Variants in ROBO2 observed in about 807,000 individuals in gnomAD.
ROBO2 encodes roundabout guidance receptor 2, also known as roundabout homolog 2.
Under a neutral mutation model 160.8 loss-of-function variants are expected in ROBO2, and 53 were observed. That is an observed-to-expected ratio of 0.33 (90% CI 0.26 to 0.41). ROBO2 has a LOEUF of 0.41. Ranked by LOEUF, ROBO2 falls within the 10% of genes least tolerant of loss-of-function variation. The pLI, the probability that ROBO2 is intolerant of heterozygous loss-of-function variation, is 1.00. For synonymous variants in ROBO2, 664 were observed against 611.7 expected, an observed-to-expected ratio of 1.09 and a Z score of -1.26; for missense variants, 1,577 against 1,722.4, an observed-to-expected ratio of 0.92 and a Z score of 1.49.
At chr3:77,325,149 T>C (rs1356243802) in intron 2 of ROBO2, among the ~76,000 whole-genome samples, 1 of 152,168 alleles carries the variant, frequency 6.6e-6, no homozygotes, top group Admixed American at 6.6e-5. Flanking sequence ...ACATGCATAA[T>C]GAAGTGTGAC....
At chr3:75,957,081 T>C (rs1220429055) in intron 2 of ROBO2, among the ~76,000 whole-genome samples, 2 of 151,704 alleles carry the variant, frequency 1.3e-5, no homozygotes, top group Non-Finnish European at 2.9e-5. Context: ...TAGTGTTGCT[T>C]AACTTAGTGT....
chr3:76,746,615 A>G (rs994228123), intron 2 of ROBO2, among the ~76,000 whole-genome samples: 1 of 152,098 alleles, frequency 6.6e-6, no homozygotes, highest in Non-Finnish European at 1.5e-5. Context: ...TCAATAAAAT[A>G]CTGGCAAACC....
At chr3:77,021,406 T>A (rs1331302748) in intron 2 of ROBO2, among the ~76,000 whole-genome samples, 1 of 152,032 alleles carries the variant, frequency 6.6e-6, no homozygotes, top group Non-Finnish European at 1.5e-5. Flanking sequence ...GAAACTAGAA[T>A]CTCTCTCCCT....
chr3:76,967,511 CTTTTT>C (rs59372235), intron 2 of ROBO2, among the ~76,000 whole-genome samples: 1 of 55,370 alleles, frequency 1.8e-5, no homozygotes, highest in Non-Finnish European at 3.1e-5. Context: ...CTGGCCAGCT[CTTTTT>C]TTTTTTTTTT....
chr3:77,323,808 A>C (rs1052528311), intron 2 of ROBO2, among the ~76,000 whole-genome samples: 2 of 152,138 alleles, frequency 1.3e-5, no homozygotes, highest in African/African-American at 4.8e-5. Context: ...GACAAAGGGT[A>C]TTTTCAGTAG....
chr3:76,825,462 A>G (rs542532509), intron 2 of ROBO2, among the ~76,000 whole-genome samples: 1 of 152,100 alleles, frequency 6.6e-6, no homozygotes, highest in East Asian at 1.9e-4. Context: ...TCAATATGCA[A>G]ACTTCCCCTC....
At position 77,369,912 on chromosome 3, in the gene ROBO2, T is replaced by C. The variant is rs566119352; in HGVS notation, c.389-107502T>C. ...GGAGACAGTGATATTTGAAAAGTCA[T>C]CCACACATAGTGAAACCATTAATAA... On this transcript the variant is annotated intron_variant, in intron 2 of 25. Coordinates refer to ENST00000461745, the Ensembl canonical transcript of ROBO2. 1.2e-3 allele frequency among the ~76,000 whole-genome samples: 178 copies of C among 152,290 alleles called. 1 individual carries two copies. The Middle Eastern group carries it at 0.017, about 15-fold the overall frequency.
At chr3:77,604,441 A>G (rs190824957) in intron 20 of ROBO2, among the ~76,000 whole-genome samples, 225 of 152,236 alleles carry the variant, frequency 1.5e-3, no homozygotes, top group African/African-American at 5.0e-3. Flanking sequence ...TAAGTATTCT[A>G]TATGTGTTGA....
chr3:76,638,066 G>A (rs1049620321), intron 2 of ROBO2, among the ~76,000 whole-genome samples: 4 of 152,246 alleles, frequency 2.6e-5, no homozygotes, highest in Admixed American at 6.5e-5. Flanking sequence ...ATTTTTTAAA[G>A]TGTTTGGAAG....
chr3:76,257,299 T>TGTGC (rs955166685), intron 2 of ROBO2, among the ~76,000 whole-genome samples: 7 of 151,142 alleles, frequency 4.6e-5, no homozygotes, highest in African/African-American at 1.2e-4. Flanking sequence ...CGTGCATATG[T>TGTGC]GTGTGTGTGT....
At chr3:76,083,226 T>A (rs1387251) in intron 2 of ROBO2, among the ~76,000 whole-genome samples, 7,529 of 152,134 alleles carry the variant, frequency 0.049, 396 homozygotes, top group African/African-American at 0.13. Flanking sequence ...GGTAGAGATA[T>A]ATAAATCATT....
At chr3:76,336,344 G>C (rs1411656086) in intron 2 of ROBO2, among the ~76,000 whole-genome samples, 1 of 152,210 alleles carries the variant, frequency 6.6e-6, no homozygotes, top group Admixed American at 6.5e-5. Context: ...GGGAAGTAGG[G>C]AAACACAGCT....
chr3:76,975,337 T>C (rs1296979522), intron 2 of ROBO2, among the ~76,000 whole-genome samples: 1 of 152,128 alleles, frequency 6.6e-6, no homozygotes, highest in Admixed American at 6.5e-5. Flanking sequence ...AAACCCCGTC[T>C]CTGCTAAAAA....
chr3:76,965,921 CTTTTTTTT>C (rs1168083048), intron 2 of ROBO2, among the ~76,000 whole-genome samples: 2 of 114,120 alleles, frequency 1.8e-5, no homozygotes, highest in Admixed American at 2.0e-4. Context: ...GGCATATTTT[CTTTTTTTT>C]TTTTTTTTTT....
intron 2 of ROBO2, among the ~76,000 whole-genome samples, chr3:76,377,802 A>G (rs1385352547): frequency 2.0e-5 from 3 of 152,088 alleles, no homozygotes; most frequent in African/African-American, 7.2e-5. Context: ...TTTTTTCTTA[A>G]TGAAAATATG....
chr3:76,125,423 C>G (rs934120484), intron 2 of ROBO2, among the ~76,000 whole-genome samples: 7 of 152,142 alleles, frequency 4.6e-5, no homozygotes, highest in African/African-American at 1.7e-4. Flanking sequence ...AATCTTCAGA[C>G]TACTTTCCAC....
intron 2 of ROBO2, among the ~76,000 whole-genome samples, chr3:76,357,621 T>C (rs2075253029): frequency 6.6e-6 from 1 of 151,918 alleles, no homozygotes; most frequent in Non-Finnish European, 1.5e-5. Flanking sequence ...TGGATACATA[T>C]ATCCAATCAA....
At chr3:76,507,053 G>T (rs1577726063) in intron 2 of ROBO2, among the ~76,000 whole-genome samples, 1 of 152,158 alleles carries the variant, frequency 6.6e-6, no homozygotes, top group East Asian at 1.9e-4. Flanking sequence ...TAATAATGTT[G>T]ATTGTTTGCT....
intron 1 of ROBO2, among the ~76,000 whole-genome samples, chr3:77,058,406 CTG>C (rs1472848190): frequency 1.3e-5 from 2 of 152,138 alleles, no homozygotes; most frequent in African/African-American, 4.8e-5. Context: ...TACACCTCTT[CTG>C]TAACTTTCCA....
Sources: gnomAD v4.1 joint callset for allele counts (sites outside exome capture counted in the v4.1 genomes callset) on GRCh38, gnomAD v4.1.1 for gene constraint, MANE v1.5 for transcripts, NCBI Gene and HGNC (gene_info 2026-07-23, HGNC 2026-07-21) for gene names.